Variants in DDX5 observed in about 807,000 individuals in gnomAD.
DDX5 encodes DEAD-box helicase 5.
DDX5 carries 6 observed loss-of-function variants against 68.6 expected under a neutral mutation model. The observed-to-expected ratio is 0.09, with a 90% CI of 0.05 to 0.17. DDX5 has a LOEUF of 0.17. Ranked by LOEUF, DDX5 falls within the 10% of genes least tolerant of loss-of-function variation. The pLI, the probability that DDX5 is intolerant of heterozygous loss-of-function variation, is 1.00. For missense variants in DDX5, 499 were observed against 756.1 expected, an observed-to-expected ratio of 0.66 and a Z score of 3.99; for synonymous variants, 350 against 247.0, an observed-to-expected ratio of 1.42 and a Z score of -3.91.
intron 1 of DDX5, chr17:64,505,055 CAGCCTGGGATTTATCATGTCGGA>C (rs1185081780): frequency 9.0e-6 from 4 of 446,702 alleles, no homozygotes; most frequent in East Asian, 3.5e-5. Flanking sequence ...GTCATGTAAA[CAGCCTGGGATTTATCATGTCGGA>C]AGCCGGGGAT....
intron 8 of DDX5, 56 bp from the exon 9 acceptor site, chr17:64,502,605 G>A (rs904858179): frequency 1.6e-6 from 2 of 1,268,684 alleles, no homozygotes; most frequent in African/African-American, 1.5e-5. Context: ...CATTGCTAGG[G>A]CCACACATTT....
At chr17:64,502,132 G>T (rs1555671197) in intron 10 of DDX5, 30 bp downstream of exon 10, 1 of 1,613,668 alleles carries the variant, frequency 6.2e-7, no homozygotes, top group Non-Finnish European at 8.5e-7. Context: ...GTTAAGTAAG[G>T]GGGAAAAATA....
At chr17:64,503,377 A>T in intron 6 of DDX5, 29 bp from the exon 7 acceptor site, 1 of 1,614,114 alleles carries the variant, frequency 6.2e-7, no homozygotes, top group Non-Finnish European at 8.5e-7. Context: ...GTGTAACTAC[A>T]ATACCTAGGA....
intron 2 of DDX5, 139 bp from the exon 3 acceptor site, chr17:64,504,457 CCCT>C (rs1262856945): frequency 2.2e-6 from 2 of 909,048 alleles, no homozygotes; most frequent in African/African-American, 1.7e-5. Flanking sequence ...CCTATGAACA[CCCT>C]ATTATGAAAA....
chr17:64,505,389 A>G lies in DDX5; in HGVS notation c.45-547T>C, dbSNP rs1365396825. On this transcript the variant is annotated intron_variant, in intron 1 of 12. Coordinates refer to ENST00000225792, the MANE Select transcript of DDX5 (RefSeq NM_004396.5). Reference sequence around the variant, plus strand: ...CCGCGGTAGAGCTCCGGATCAACGAATCAAAATTATATAACGCAGGAAAAA... The same window carrying G: ...CCGCGGTAGAGCTCCGGATCAACGAGTCAAAATTATATAACGCAGGAAAAA... 1.1e-5 allele frequency: 5 copies of G among 474,190 alleles called. No individual in the cohort carries two copies. In the East Asian group the frequency reaches 1.5e-4, roughly 14 times the overall value. 29.4% of individuals were successfully genotyped at this position (474,190 alleles called of 1,614,324 possible). A position where few individuals can be genotyped will look rare whatever the true frequency, so the allele number is the denominator to read the frequency against.
intron 1 of DDX5, chr17:64,505,739 G>C (rs73993970): frequency 6.5e-7 from 1 of 1,536,018 alleles, no homozygotes; most frequent in Admixed American, 2.0e-5. Context: ...CTCCCGAAAC[G>C]CCGCACCTAA....
intron 1 of DDX5, chr17:64,505,825 C>G (rs567878749): frequency 6.5e-7 from 1 of 1,536,176 alleles, no homozygotes; most frequent in South Asian, 1.2e-5. Context: ...CCCTCAACAG[C>G]TACCAAATGG....
rs1941983788 is a variant in DDX5 at position 64,506,281 on chromosome 17, G to A, written c.-162C>T. 1.2e-5 allele frequency: 19 copies of A among 1,532,016 alleles called. No homozygotes were observed. The highest frequency in any genetic ancestry group is 2.5e-5 in the East Asian group (1 of 40,644). 94.9% of individuals were successfully genotyped at this position (1,532,016 alleles called of 1,614,324 possible). On this transcript the variant is annotated 5_prime_UTR_variant, in exon 1 of 13. Transcript: ENST00000225792. ...TGCACTACTAGAGACCGGTAGAAAT[G>A]AATGAGGTGCCGGCCGCTTTCCGGC...
chr17:64,503,083 G>C lies in DDX5; in HGVS notation c.826C>G (p.Leu276Val), dbSNP rs782168281. The C allele has an allele frequency of 6.2e-7, 1 of 1,613,680 alleles. No individual in the cohort carries two copies. The highest frequency in any genetic ancestry group is 8.5e-7 in the Non-Finnish European group (1 of 1,179,780). The change falls in exon 8 of 13, where the codon CTA (leucine) becomes GTA (valine). Residue 276 changes from leucine to valine, a missense_variant. Physicochemically the swap from Leu to Val is conservative, Grantham distance 32 (BLOSUM62 1). Transcript: ENST00000225792. ...TTTGGCCAAGTCGCACTCCACATTA[G>C]AGTTTGCCTATCAGGCTAATGGATT... ...VDQIRPDRQT[L>V]MWSATWPKEV...
rs908874641 is a variant in DDX5, at chr17:64,503,724, C to T, written c.507+79G>A. 3.9e-6 allele frequency: 6 copies of T among 1,550,114 alleles called. No individual in the cohort carries two copies. In the African/African-American group the frequency reaches 6.9e-5, roughly 18 times the overall value. ...AGCTAACCTCTATATAAAACCACCACAAATGATTACATCTTTAGCTATGTA... is the reference window on the plus strand; with the variant it reads ...AGCTAACCTCTATATAAAACCACCATAAATGATTACATCTTTAGCTATGTA... On this transcript the variant is annotated intron_variant, in intron 5 of 12. Transcript: ENST00000225792.
rs142151231 is a variant in DDX5, at chr17:64,505,863, C to T, written c.44+213G>A. 4.2e-4 allele frequency: 643 copies of T among 1,535,798 alleles called. 4 individuals are homozygous for T. The East Asian group carries it at 0.014, about 34-fold the overall frequency. On this transcript the variant is annotated intron_variant, in intron 1 of 12. Transcript: ENST00000225792. The stretch of plus-strand genomic sequence containing the variant: ...GCCGCCCCGACAGCTCCCCAATCCC[C>T]ACACAAAAAGCAAGCTTGAAGACAC...
At chr17:64,505,868 A>G (rs1598157721) in intron 1 of DDX5, 2 of 1,536,008 alleles carry the variant, frequency 1.3e-6, no homozygotes, top group Non-Finnish European at 1.7e-6. Flanking sequence ...ATCCCCACAC[A>G]AAAAGCAAGC....
chr17:64,499,857 T>TG lies in DDX5; in HGVS notation c.*65dup. On this transcript the variant is annotated 3_prime_UTR_variant, in exon 13 of 13. Transcript: ENST00000225792. ...TCCCATGTTTCTTAAATAACTATCTTGTCAGATAACACACAATATAAAGAG... is the reference window on the plus strand; with the variant it reads ...TCCCATGTTTCTTAAATAACTATCTTGGTCAGATAACACACAATATAAAGAG... The TG allele has an allele frequency of 5.0e-6, 7 of 1,400,312 alleles. No individual in the cohort carries two copies. The highest frequency in any genetic ancestry group is 6.7e-6 in the Non-Finnish European group (7 of 1,048,222). The allele number at this position is 1,400,312 out of a possible 1,614,324, so 86.7% of individuals were successfully genotyped here. A position where few individuals can be genotyped will look rare whatever the true frequency, so the allele number is the denominator to read the frequency against.
chr17:64,498,775 A>G lies in DDX5; in HGVS notation c.*1148T>C, dbSNP rs111625074. ...CTATTACTGAAATAAATGATTAGAA[A>G]GTTACGTTGGTGAGCCGAAGTTAAA... On this transcript the variant is annotated 3_prime_UTR_variant, in exon 13 of 13. Coordinates refer to ENST00000225792, the MANE Select transcript of DDX5 (RefSeq NM_004396.5). Among the ~76,000 whole-genome samples the G allele has an allele frequency of 3.5e-3, 530 of 152,340 alleles. 2 individuals are homozygous for G. Among genetic ancestry groups the G allele is most frequent in the African/African-American group, 0.012 (500 of 41,576 alleles).
At chr17:64,505,076 G>C in intron 1 of DDX5, 1 of 399,860 alleles carries the variant, frequency 2.5e-6, no homozygotes, top group Non-Finnish European at 4.4e-6. Context: ...TTATCATGTC[G>C]GAAGCCGGGG....
chr17:64,505,649 C>T (rs1053035098), intron 1 of DDX5: 42 of 1,292,666 alleles, frequency 3.2e-5, no homozygotes, highest in Non-Finnish European at 4.4e-5. Context: ...TGATGCCGGC[C>T]GCCCTCCTAC....
At chr17:64,505,757 T>C (rs1412633466) in intron 1 of DDX5, 4 of 1,535,906 alleles carry the variant, frequency 2.6e-6, no homozygotes, top group Non-Finnish European at 1.7e-6. Flanking sequence ...TAACAGATGT[T>C]CCTTCGTCTG....
rs782136972 is a variant in DDX5, at chr17:64,502,109, G to C, written c.1157-40C>G. On this transcript the variant is annotated intron_variant, in intron 10 of 12. Coordinates refer to ENST00000225792, the MANE Select transcript of DDX5 (RefSeq NM_004396.5). ...ATATACATGATCAATTATCTGAGCA[G>C]AATTCTAGCTAGGTTAAGTAAGGGG... is the stretch of plus-strand genomic sequence containing the variant. 5.5e-5 allele frequency: 88 copies of C among 1,613,526 alleles called. 2 individuals carry two copies. In the South Asian group the frequency reaches 9.1e-4, roughly 17 times the overall value.
rs2038359178 is a variant in DDX5, at chr17:64,503,886, G to C, written c.442-18C>G. The stretch of plus-strand genomic sequence containing the variant: ...AGCAAATACTATTTAGGGTGAAAGT[G>C]GGGACAAACAGAAATCACATTAAAA... On this transcript the variant is annotated intron_variant, in intron 4 of 12. Transcript: ENST00000225792. The C allele has an allele frequency of 6.2e-7, 1 of 1,613,898 alleles. No homozygotes were observed. Among genetic ancestry groups the C allele is most frequent in the African/African-American group, 1.3e-5 (1 of 74,898 alleles).
Sources: allele counts gnomAD v4.1 joint callset (sites outside exome capture counted in the v4.1 genomes callset), GRCh38; gene constraint gnomAD v4.1.1; transcripts MANE v1.5; gene names NCBI Gene and HGNC (gene_info 2026-07-23, HGNC 2026-07-21).